The following SPAG16 variants were observed in gnomAD, a reference collection of about 807,000 sequenced individuals.
The protein encoded by SPAG16 is sperm associated antigen 16, also known as sperm-associated antigen 16 protein.
Under a neutral mutation model 80.4 loss-of-function variants are expected in SPAG16, and 86 were observed. That is an observed-to-expected ratio of 1.07 (90% CI 0.90 to 1.28). The LOEUF is 1.28. Among genes scored for constraint, SPAG16 ranks in the 50% most tolerant of loss-of-function variants. SPAG16 has a pLI of 0.00. For missense variants in SPAG16, 870 were observed against 765.3 expected, an observed-to-expected ratio of 1.14 and a Z score of -1.61; for synonymous variants, 294 against 265.9, an observed-to-expected ratio of 1.11 and a Z score of -1.03.
chr2:213,581,102 G>T (rs1252969044), intron 10 of SPAG16, among the ~76,000 whole-genome samples: 3 of 152,086 alleles, frequency 2.0e-5, no homozygotes, highest in Non-Finnish European at 2.9e-5. Context: ...TTAATAATTT[G>T]TTGGGTAACT....
At chr2:214,143,234 GTTTTTTTT>G (rs59910884) in intron 14 of SPAG16, among the ~76,000 whole-genome samples, 13 of 112,670 alleles carry the variant, frequency 1.2e-4, no homozygotes, top group African/African-American at 4.1e-4. Context: ...ATAGTTTTGG[GTTTTTTTT>G]TTTTTTTTTT....
intron 9 of SPAG16, among the ~76,000 whole-genome samples, chr2:213,475,867 A>C (rs2073347383): frequency 6.6e-6 from 1 of 152,218 alleles, no homozygotes; most frequent in Non-Finnish European, 1.5e-5. Context: ...TTCCAAAAGG[A>C]AAAAATCAGT....
intron 11 of SPAG16, among the ~76,000 whole-genome samples, chr2:213,876,000 G>A (rs1339733591): frequency 6.6e-6 from 1 of 152,042 alleles, no homozygotes; most frequent in East Asian, 1.9e-4. Context: ...ATTAAACACA[G>A]CAACTAAAAG....
chr2:213,624,054 A>G (rs539213037), intron 10 of SPAG16, among the ~76,000 whole-genome samples: 1 of 152,302 alleles, frequency 6.6e-6, no homozygotes, highest in Non-Finnish European at 1.5e-5. Context: ...ACACCAATTT[A>G]TGGAAAATGC....
chr2:213,378,826 C>A (rs2067020659), intron 9 of SPAG16, among the ~76,000 whole-genome samples: 1 of 152,122 alleles, frequency 6.6e-6, no homozygotes, highest in Non-Finnish European at 1.5e-5. Context: ...GCAGTCCTGC[C>A]CAGACTGTGA....
chr2:213,581,676 T>A (rs78506781), intron 10 of SPAG16, among the ~76,000 whole-genome samples: 2 of 152,208 alleles, frequency 1.3e-5, no homozygotes, highest in South Asian at 4.1e-4. Flanking sequence ...GAAATTGAGA[T>A]GAAGGTAGCT....
At chr2:213,395,135 A>G (rs1028364338) in intron 9 of SPAG16, among the ~76,000 whole-genome samples, 4 of 152,224 alleles carry the variant, frequency 2.6e-5, no homozygotes, top group Admixed American at 1.3e-4. Flanking sequence ...CAGTCTTGCT[A>G]TATAGCAATT....
At chr2:214,287,183 T>C (rs1484785687) in intron 15 of SPAG16, among the ~76,000 whole-genome samples, 1 of 152,216 alleles carries the variant, frequency 6.6e-6, no homozygotes, top group Non-Finnish European at 1.5e-5. Context: ...CATTTCCTAT[T>C]GATTATATCC....
intron 10 of SPAG16, among the ~76,000 whole-genome samples, chr2:213,694,895 A>AT (rs2065094867): frequency 6.6e-6 from 1 of 151,778 alleles, no homozygotes; most frequent in Non-Finnish European, 1.5e-5. Context: ...AATTTCTCTT[A>AT]TATCAACATC....
At chr2:213,745,518 C>G (rs2125468545) in intron 10 of SPAG16, among the ~76,000 whole-genome samples, 1 of 152,318 alleles carries the variant, frequency 6.6e-6, no homozygotes, top group East Asian at 1.9e-4. Flanking sequence ...GCTGAGAGTA[C>G]AGGCGTGAGC....
intron 15 of SPAG16, among the ~76,000 whole-genome samples, chr2:214,206,801 A>G (rs550673882): frequency 6.6e-6 from 1 of 152,096 alleles, no homozygotes; most frequent in African/African-American, 2.4e-5. Flanking sequence ...TTGCTTTTTT[A>G]TAATATCCAT....
At chr2:214,341,927 G>A (rs1046215752) in intron 15 of SPAG16, among the ~76,000 whole-genome samples, 1 of 152,056 alleles carries the variant, frequency 6.6e-6, no homozygotes, top group Admixed American at 6.6e-5. Context: ...CTCTGGCAGG[G>A]AGGTCTCCAA....
At chr2:214,146,969 T>C (rs1426078955) in intron 14 of SPAG16, among the ~76,000 whole-genome samples, 1 of 149,972 alleles carries the variant, frequency 6.7e-6, no homozygotes, top group Non-Finnish European at 1.5e-5. Context: ...GCCATTGCAC[T>C]CCAGCTTGGG....
In SPAG16 at chr2:213,889,674, CAT is replaced by C. The variant is rs758433977; in HGVS notation, c.1214+27054_1214+27055del. 1.1e-3 allele frequency among the ~76,000 whole-genome samples: 170 copies of C among 148,152 alleles called. 2 individuals are homozygous for C. The highest frequency in any genetic ancestry group is 3.6e-3 in the Middle Eastern group (1 of 278). Reference sequence around the variant, plus strand: ...ATATATACATATACATATATACACACATATATATACATATACATATATATACA... The same window carrying C: ...ATATATACATATACATATATACACACATATATACATATACATATATATACA... On this transcript the variant is annotated intron_variant, in intron 11 of 15. Coordinates refer to ENST00000331683, the MANE Select transcript of SPAG16 (RefSeq NM_024532.5).
chr2:214,072,788 A>T (rs1373908629), intron 13 of SPAG16, among the ~76,000 whole-genome samples: 2 of 152,308 alleles, frequency 1.3e-5, no homozygotes, highest in East Asian at 3.9e-4. Flanking sequence ...TTTTTAAAAA[A>T]TGTTTAAAAA....
chr2:213,981,331 A>C (rs1361924504), intron 12 of SPAG16, among the ~76,000 whole-genome samples: 2 of 152,238 alleles, frequency 1.3e-5, no homozygotes, highest in Non-Finnish European at 2.9e-5. Context: ...TAAGGAAAAA[A>C]TATAGTGCTT....
Position 214,217,647 on chromosome 2 carries a change from A to G in SPAG16, c.1720+68381A>G, listed in dbSNP as rs190704448. 3.9e-5 allele frequency among the ~76,000 whole-genome samples: 6 copies of G among 152,368 alleles called. No individual in the cohort carries two copies. The East Asian group carries it at 1.2e-3, about 29-fold the overall frequency. ...AGGCTATACACACTTTCCACATGCT[A>G]AAAGAATAGGCCACAATTTTGTTTA... On this transcript the variant is annotated intron_variant, in intron 15 of 15. Transcript: ENST00000331683.
intron 6 of SPAG16, among the ~76,000 whole-genome samples, chr2:213,345,759 T>C (rs2064942547): frequency 6.6e-6 from 1 of 151,346 alleles, no homozygotes; most frequent in Non-Finnish European, 1.5e-5. Flanking sequence ...TTGGTACCAG[T>C]ACCGTGCTGT....
chr2:214,158,402 G>A (rs930701500), intron 15 of SPAG16, among the ~76,000 whole-genome samples: 1 of 151,748 alleles, frequency 6.6e-6, no homozygotes, highest in African/African-American at 2.4e-5. Context: ...AACATAAATG[G>A]CAGCTGTATT....
Sources: allele counts gnomAD v4.1 joint callset (sites outside exome capture counted in the v4.1 genomes callset), GRCh38; gene constraint gnomAD v4.1.1; transcripts MANE v1.5; gene names NCBI Gene and HGNC (gene_info 2026-07-23, HGNC 2026-07-21).